SLC29A1: variants seen among roughly 807,000 people sequenced by gnomAD.
SLC29A1 encodes the protein equilibrative nucleoside transporter 1.
In SLC29A1, 22 loss-of-function variants were observed where a neutral mutation model predicts 48.3. The observed-to-expected ratio is 0.46, with a 90% CI of 0.33 to 0.65. The LOEUF is 0.65. Ranked by LOEUF, SLC29A1 falls within the 30% of genes least tolerant of loss-of-function variation. SLC29A1 has a pLI of 0.03. For synonymous variants in SLC29A1, 228 were observed against 231.0 expected (o/e 0.99, Z 0.12); for missense variants, 491 against 575.3 (o/e 0.85, Z 1.50).
rs8187631 is a variant in SLC29A1, at chr6:44,232,174, G to A, written c.973+68G>A. 2.4e-3 allele frequency: 3,240 copies of A among 1,350,362 alleles called. 58 individuals are homozygous for A. The African/African-American group carries it at 0.04, about 17-fold the overall frequency. 83.6% of individuals were successfully genotyped at this position (1,350,362 alleles called of 1,614,324 possible). The stretch of plus-strand genomic sequence containing the variant: ...TTGAGTTGGGCTGGAAGTGGGGAAG[G>A]GAGGGAGCCTGGGTCACCTTCTCCC... On this transcript the variant is annotated intron_variant, in intron 10 of 12. Coordinates refer to ENST00000371755, the MANE Select transcript of SLC29A1 (RefSeq NM_001372327.1). The surrounding 1 kb of genome is among the most constrained non-coding windows in gnomAD (Gnocchi z 4.7).
At position 44,229,650 on chromosome 6, in the gene SLC29A1, A is replaced by AGGACGCCCAGGCGTC. The variant is rs1191703677; in HGVS notation, c.174_188dup (p.Asp59_Ser63dup). On this transcript the variant is annotated inframe_insertion, in exon 4 of 13. Coordinates refer to ENST00000371755, the MANE Select transcript of SLC29A1 (RefSeq NM_001372327.1). The surrounding 1 kb of genome is among the most constrained non-coding windows in gnomAD (Gnocchi z 5.1). Reference sequence around the variant, plus strand: ...TCCTTGGTCACTGCTGAACTGAGCAAGGACGCCCAGGCGTCAGCCGCCCCT... The same window carrying AGGACGCCCAGGCGTC: ...TCCTTGGTCACTGCTGAACTGAGCAAGGACGCCCAGGCGTCGGACGCCCAGGCGTCAGCCGCCCCT... 1 of 1,614,034 alleles carries AGGACGCCCAGGCGTC rather than the reference A, an allele frequency of 6.2e-7. No individual in the cohort carries two copies. The highest frequency in any genetic ancestry group is 1.3e-5 in the African/African-American group (1 of 74,940).
chr6:44,229,308 C>A lies in SLC29A1; in HGVS notation c.30-82C>A. On this transcript the variant is annotated intron_variant, in intron 2 of 12. Coordinates refer to ENST00000371755, the MANE Select transcript of SLC29A1 (RefSeq NM_001372327.1). The surrounding 1 kb of genome is among the most constrained non-coding windows in gnomAD (Gnocchi z 5.1). ...CCCTGGGACCTAGAGAGACTGACAA[C>A]GGACAGGGGCTTTCCTGGGGCTCAT... The A allele has an allele frequency of 9.1e-7, 1 of 1,098,548 alleles. No homozygotes were observed. The highest frequency in any genetic ancestry group is 1.4e-6 in the Non-Finnish European group (1 of 710,166). The allele number at this position is 1,098,548 out of a possible 1,614,324, so 68.1% of individuals were successfully genotyped here.
intron 1 of SLC29A1, 54 bp from the exon 2 acceptor site, chr6:44,227,209 G>A (rs1192048995): frequency 2.1e-5 from 32 of 1,552,206 alleles, no homozygotes; most frequent in Non-Finnish European, 2.3e-5. Flanking sequence ...AAGAGCCTGA[G>A]GAGGCCTATG....
rs1047440260 is a variant in SLC29A1, at chr6:44,229,821, GCCTGAC to G, written c.314+34_314+39del. ...GTGCCCACCCCCTCCCCAGCCCCCA[GCCTGAC>G]CCTCACTGTGTCCTGCACCCCCTTG... On this transcript the variant is annotated intron_variant, in intron 4 of 12. Transcript: ENST00000371755. This position sits in a 1 kb window ranked among gnomAD's most constrained non-coding sequence, Gnocchi z 5.1. 2.0e-6 allele frequency: 3 copies of G among 1,468,104 alleles called. No individual in the cohort carries two copies. The African/African-American group carries it at 4.2e-5, about 21-fold the overall frequency. The allele number at this position is 1,468,104 out of a possible 1,614,324, so 90.9% of individuals were successfully genotyped here.
chr6:44,230,960 C>G, intron 8 of SLC29A1, 71 bp downstream of exon 8: 1 of 1,167,920 alleles, frequency 8.6e-7, no homozygotes, highest in South Asian at 1.2e-5. Context: ...GCAAAGAGAA[C>G]AAAGATGAGT....
upstream of SLC29A1, chr6:44,223,455 AGC>A: frequency 1.3e-6 from 1 of 764,896 alleles, no homozygotes; most frequent in Non-Finnish European, 1.5e-6. The surrounding 1 kb of genome is among the most constrained non-coding windows in gnomAD (Gnocchi z 5.0). Context: ...GGAGCGGCGG[AGC>A]GCGCGGAGTC....
upstream of SLC29A1, among the ~76,000 whole-genome samples, chr6:44,222,542 G>T (rs1269789707): frequency 6.6e-6 from 1 of 152,088 alleles, no homozygotes; most frequent in African/African-American, 2.4e-5. Context: ...GGGCAGCGTG[G>T]GTTGGATTTT....
intron 1 of SLC29A1, chr6:44,226,669 C>G: frequency 1.1e-6 from 1 of 888,326 alleles, no homozygotes; most frequent in Non-Finnish European, 1.3e-6. Flanking sequence ...CCCACTCTAG[C>G]CATGAATCCA....
Position 44,229,198 on chromosome 6 carries a change from A to G in SLC29A1, c.30-192A>G, listed in dbSNP as rs1778266695. 6.6e-6 allele frequency among the ~76,000 whole-genome samples: 1 copy of G among 152,012 alleles called. No homozygotes were observed. The highest frequency in any genetic ancestry group is 6.6e-5 in the Admixed American group (1 of 15,260). ...ATGACCCTGACCCCATCCCCACCCC[A>G]AATTCCAACGAGCAATGTACCCTTT... is the stretch of plus-strand genomic sequence containing the variant. On this transcript the variant is annotated intron_variant, in intron 2 of 12. Coordinates refer to ENST00000371755, the MANE Select transcript of SLC29A1 (RefSeq NM_001372327.1). This position sits in a 1 kb window ranked among gnomAD's most constrained non-coding sequence, Gnocchi z 5.1.
chr6:44,227,503 T>A (rs1682041827), intron 2 of SLC29A1, among the ~76,000 whole-genome samples, 161 bp downstream of exon 2: 1 of 152,096 alleles, frequency 6.6e-6, no homozygotes. Context: ...GTGCCTTGGC[T>A]GGGTGCTGGC....
In SLC29A1 at chr6:44,232,613, C is replaced by A; in HGVS notation, c.1059+185C>A. 1.6e-6 allele frequency: 1 copy of A among 642,936 alleles called. No homozygotes were observed. Among genetic ancestry groups the A allele is most frequent in the Non-Finnish European group, 2.7e-6 (1 of 369,188 alleles). 39.8% of individuals were successfully genotyped at this position (642,936 alleles called of 1,614,324 possible). A position where few individuals can be genotyped will look rare whatever the true frequency, so the allele number is the denominator to read the frequency against. ...AATGAATATATGTATATACACATAC[C>A]TGCCCAGATCGAGATGTAGAATATT... On this transcript the variant is annotated intron_variant, in intron 11 of 12. Coordinates refer to ENST00000371755, the MANE Select transcript of SLC29A1 (RefSeq NM_001372327.1). The surrounding 1 kb of genome is among the most constrained non-coding windows in gnomAD (Gnocchi z 4.7).
rs1396232686 is a variant in SLC29A1, at chr6:44,227,257, C to A, written c.-51-6C>A. On this transcript the variant is annotated splice_region_variant and splice_polypyrimidine_tract_variant and intron_variant, in intron 1 of 12. Transcript: ENST00000371755. ...CAGGGCCTCACACTGTTCCTGCCCC[C>A]AGCAGGCCCCTGAGGGAGGGAGCTG... 3 of 1,612,826 alleles carry A rather than the reference C, an allele frequency of 1.9e-6. No individual in the cohort carries two copies. The highest frequency in any genetic ancestry group is 3.3e-5 in the Admixed American group (2 of 59,914).
intron 1 of SLC29A1, chr6:44,224,027 GGCTCGCGAGCGGAGGTGCA>G (rs1465545277): frequency 2.2e-5 from 1 of 45,636 alleles, no homozygotes; most frequent in African/African-American, 1.3e-3. Context: ...TGGGGATGGA[GGCTCGCGAGCGGAGGTGCA>G]GGCTCGCGAG....
chr6:44,227,712 C>T (rs546633137), intron 2 of SLC29A1, among the ~76,000 whole-genome samples: 2 of 152,234 alleles, frequency 1.3e-5, no homozygotes, highest in Non-Finnish European at 2.9e-5. Flanking sequence ...ATGACCTGGC[C>T]CACCCTGGTT....
At chr6:44,221,712 G>C (rs1274689907), upstream of SLC29A1, 1 of 1,201,918 alleles carries the variant, frequency 8.3e-7, no homozygotes, top group Non-Finnish European at 1.1e-6. The surrounding 1 kb of genome is among the most constrained non-coding windows in gnomAD (Gnocchi z 4.2). Flanking sequence ...AGGCTGTCCA[G>C]CAGGGGGCCC....
rs761520847 is a variant in SLC29A1 at position 44,232,721 on chromosome 6, TCCTGA to T, written c.1060-85_1060-81del. 755 of 1,326,890 alleles carry T rather than the reference TCCTGA, an allele frequency of 5.7e-4. No individual in the cohort carries two copies. The highest frequency in any genetic ancestry group is 7.2e-4 in the Non-Finnish European group (685 of 945,624). 82.2% of individuals were successfully genotyped at this position (1,326,890 alleles called of 1,614,324 possible). A position where few individuals can be genotyped will look rare whatever the true frequency, so the allele number is the denominator to read the frequency against. ...CCAGGCTTTGAGGTTTCAGTTCAGA[TCCTGA>T]GGGGCCCCAGATGGATCCTTGGGGG... On this transcript the variant is annotated intron_variant, in intron 11 of 12. Transcript: ENST00000371755. This position sits in a 1 kb window ranked among gnomAD's most constrained non-coding sequence, Gnocchi z 4.7.
chr6:44,229,702 T>G lies in SLC29A1; in HGVS notation c.225T>G (p.Ser75=). 4 of 1,614,032 alleles carry G rather than the reference T, an allele frequency of 2.5e-6. No homozygotes were observed. The highest frequency in any genetic ancestry group is 3.4e-6 in the Non-Finnish European group (4 of 1,180,022). ...CAGCACCCTTGCCTGAGCGGAACTC[T>G]CTCAGTGCCATCTTCAACAATGTCA... is the stretch of plus-strand genomic sequence containing the variant. ...APAAPLPERN[S]LSAIFNNVMT... Residue 75 remains serine, a synonymous_variant, in exon 4 of 13, where the codon TCT becomes TCG. Coordinates refer to ENST00000371755, the MANE Select transcript of SLC29A1 (RefSeq NM_001372327.1). The surrounding 1 kb of genome is among the most constrained non-coding windows in gnomAD (Gnocchi z 5.1).
Position 44,232,417 on chromosome 6 carries a change from G to A in SLC29A1, c.1048G>A (p.Val350Ile), listed in dbSNP as rs1306408495. ...FDWLGRSLTA[V>I]FMWPGKDSRW... ...CTGGTTGGGCCGGAGCCTCACAGCTGTATTCATGTGGGTAAGTGGAGGAAG... is the reference window on the plus strand; with the variant it reads ...CTGGTTGGGCCGGAGCCTCACAGCTATATTCATGTGGGTAAGTGGAGGAAG... The change falls in exon 11 of 13, where the codon GTA becomes ATA. Residue 350 changes from valine (V) to isoleucine (I), a missense_variant. Transcript: ENST00000371755. This position sits in a 1 kb window ranked among gnomAD's most constrained non-coding sequence, Gnocchi z 4.7. 1 of 1,611,146 alleles carries A rather than the reference G, an allele frequency of 6.2e-7. No homozygotes were observed. The highest frequency in any genetic ancestry group is 8.5e-7 in the Non-Finnish European group (1 of 1,177,402).
In SLC29A1 at chr6:44,231,412, A is replaced by G. The variant is rs770165070; in HGVS notation, c.815A>G (p.Asn272Ser). 1.4e-5 allele frequency: 22 copies of G among 1,607,046 alleles called. No homozygotes were observed. In the South Asian group the frequency reaches 2.4e-4, roughly 18 times the overall value. ...GAGGAATCTGGAGTTTCAGTCTCCA[A>G]CTCTCAGCCCACCAATGAAAGCCAC... ...GKEESGVSVS[N>S]SQPTNESHSI... The change falls in exon 9 of 13, where the codon AAC becomes AGC. Residue 272 changes from asparagine (N) to serine (S), a missense_variant. Asn to Ser is a conservative substitution (Grantham distance 46, BLOSUM62 1). Coordinates refer to ENST00000371755, the MANE Select transcript of SLC29A1 (RefSeq NM_001372327.1).
Sources: gnomAD v4.1 joint callset for allele counts (sites outside exome capture counted in the v4.1 genomes callset) on GRCh38, gnomAD v4.1.1 for gene constraint, Gnocchi (gnomAD v3.1) non-coding constraint, MANE v1.5 for transcripts, NCBI Gene and HGNC (gene_info 2026-07-23, HGNC 2026-07-21) for gene names.